UBR1: variants seen among roughly 807,000 people sequenced by gnomAD.
The protein encoded by UBR1 is ubiquitin protein ligase E3 component n-recognin 1, also known as E3 ubiquitin-protein ligase UBR1.
In UBR1, 102 loss-of-function variants were observed where a neutral mutation model predicts 242.1. The ratio of observed to expected loss-of-function variants is 0.42; its 90% CI spans 0.36 to 0.50. The LOEUF is 0.50. UBR1 is among the 20% of genes least tolerant of loss of function. The pLI, the probability that UBR1 is intolerant of heterozygous loss-of-function variation, is 0.01. For missense variants in UBR1, 1,772 were observed against 2,101.8 expected (o/e 0.84, Z 3.07); for synonymous variants, 675 against 684.8 (o/e 0.99, Z 0.22).
At chr15:43,009,073 A>C (rs530105886) in intron 29 of UBR1, among the ~76,000 whole-genome samples, 1 of 152,376 alleles carries the variant, frequency 6.6e-6, no homozygotes, top group South Asian at 2.1e-4. Context: ...AAGAGCTAGT[A>C]ACATAAACAG....
intron 34 of UBR1, 67 bp downstream of exon 34, chr15:42,989,963 C>A (rs182593460): frequency 8.8e-7 from 1 of 1,135,148 alleles, no homozygotes; most frequent in Non-Finnish European, 1.3e-6. Context: ...AGATGGAAGC[C>A]TACACTGTTT....
At chr15:42,988,485 A>G (rs2032509009) in intron 35 of UBR1, 1 of 313,870 alleles carries the variant, frequency 3.2e-6, no homozygotes, top group Non-Finnish European at 6.1e-6. Flanking sequence ...ATCTTGCTGT[A>G]TTGCCCAGGC....
chr15:43,012,901 A>C (rs1167337405), intron 29 of UBR1, among the ~76,000 whole-genome samples: 1 of 152,128 alleles, frequency 6.6e-6, no homozygotes, highest in Non-Finnish European at 1.5e-5. Flanking sequence ...ATTTTCTAAA[A>C]GTATCCACAA....
At chr15:42,988,769 A>G (rs1321117239) in intron 35 of UBR1, 50 bp downstream of exon 35, 5 of 1,610,826 alleles carry the variant, frequency 3.1e-6, no homozygotes, top group Non-Finnish European at 4.2e-6. Context: ...ATGAATGATC[A>G]AAGTTAATTC....
intron 3 of UBR1, 102 bp downstream of exon 3, chr15:43,082,536 T>C (rs1421625253): frequency 6.9e-6 from 6 of 874,672 alleles, no homozygotes; most frequent in Non-Finnish European, 7.6e-6. Flanking sequence ...TATGTTCACA[T>C]ATCAGAGCTG....
chr15:42,982,462 T>A (rs2032392381), intron 37 of UBR1, among the ~76,000 whole-genome samples: 1 of 152,190 alleles, frequency 6.6e-6, no homozygotes, highest in African/African-American at 2.4e-5. Flanking sequence ...AGTGTGTGAC[T>A]AGTGGAACAG....
chr15:42,973,187 G>T (rs147671374), intron 39 of UBR1, among the ~76,000 whole-genome samples: 12 of 152,240 alleles, frequency 7.9e-5, no homozygotes, highest in African/African-American at 2.2e-4. Context: ...TTTTAGAGAC[G>T]GGATCTTGCT....
At chr15:43,105,053 G>A (rs1016124259) in intron 1 of UBR1, among the ~76,000 whole-genome samples, 1 of 152,032 alleles carries the variant, frequency 6.6e-6, no homozygotes, top group African/African-American at 2.4e-5. Context: ...ATAAAATAAT[G>A]TTTTTATTAA....
chr15:43,039,848 G>A (rs1488267228), intron 15 of UBR1, among the ~76,000 whole-genome samples: 1 of 152,054 alleles, frequency 6.6e-6, no homozygotes, highest in Admixed American at 6.5e-5. Flanking sequence ...TTTGAGATAT[G>A]TCCCATCAAT....
At chr15:43,099,031 G>A (rs2034194377) in intron 1 of UBR1, among the ~76,000 whole-genome samples, 2 of 152,216 alleles carry the variant, frequency 1.3e-5, no homozygotes, top group African/African-American at 4.8e-5. Context: ...AAGAGATTAT[G>A]TTGTATTTTA....
At chr15:43,060,340 T>G (rs776072433) in intron 6 of UBR1, among the ~76,000 whole-genome samples, 2 of 152,248 alleles carry the variant, frequency 1.3e-5, no homozygotes, top group African/African-American at 2.4e-5. Context: ...TAGTTTAAGA[T>G]GCTGAGTTTC....
At chr15:42,984,805 G>T (rs2032434135) in intron 36 of UBR1, 82 bp downstream of exon 36, 2 of 1,265,372 alleles carry the variant, frequency 1.6e-6, no homozygotes, top group Middle Eastern at 1.9e-4. Context: ...AATGAGTAAA[G>T]ATTTTTTGTT....
Position 43,047,100 on chromosome 15 carries a change from T to C in UBR1, c.1668+61A>G, listed in dbSNP as rs184772597. 5.7e-4 allele frequency: 909 copies of C among 1,585,662 alleles called. 2 individuals carry two copies. The highest frequency in any genetic ancestry group is 1.2e-3 in the South Asian group (105 of 90,178). On this transcript the variant is annotated intron_variant, in intron 14 of 46. Transcript: ENST00000290650. ...TCAAGGAAGCTGCAACATAAAACTA[T>C]ACTATTAATAATTACTAAGAACTTA... is the stretch of plus-strand genomic sequence containing the variant.
chr15:43,002,685 G>A lies in UBR1; in HGVS notation c.3529C>T (p.Leu1177=), dbSNP rs2141285518. 6.2e-7 allele frequency: 1 copy of A among 1,614,024 alleles called. No individual in the cohort carries two copies. The highest frequency in any genetic ancestry group is 2.2e-5 in the East Asian group (1 of 44,894). ...CWQKYFEAVQ[L]SSQQRIHVDL... is the part of the protein sequence containing the mutation. ...ACATGAATGCGCTGCTGAGAGCTCAGCTGTACAGCTTCAAAATACCTGCAA... is the reference window on the plus strand; with the variant it reads ...ACATGAATGCGCTGCTGAGAGCTCAACTGTACAGCTTCAAAATACCTGCAA... The change falls in exon 32 of 47, where the codon CTG becomes TTG. Residue 1177 remains leucine (L), a synonymous_variant. Transcript: ENST00000290650.
intron 26 of UBR1, among the ~76,000 whole-genome samples, chr15:43,021,659 T>G (rs989682975): frequency 2.0e-5 from 3 of 152,198 alleles, no homozygotes; most frequent in Non-Finnish European, 2.9e-5. Context: ...CTGTACATGT[T>G]CAGTACAGTG....
chr15:43,064,577 CTT>C (rs35224418), intron 6 of UBR1, among the ~76,000 whole-genome samples: 23 of 138,744 alleles, frequency 1.7e-4, no homozygotes, highest in Admixed American at 2.2e-4. Context: ...TATCTTACAT[CTT>C]TTTTTTTTTT....
chr15:43,048,829 C>T (rs1167625602), intron 12 of UBR1, among the ~76,000 whole-genome samples: 1 of 152,174 alleles, frequency 6.6e-6, no homozygotes, highest in African/African-American at 2.4e-5. Flanking sequence ...CTGTTCACAC[C>T]CATCAGCCAA....
intron 2 of UBR1, 126 bp from the exon 3 acceptor site, chr15:43,082,842 A>T (rs1420444801): frequency 1.4e-6 from 1 of 726,138 alleles, no homozygotes; most frequent in African/African-American, 1.8e-5. Flanking sequence ...AATGCTTCAA[A>T]AACTGGATTG....
intron 14 of UBR1, among the ~76,000 whole-genome samples, chr15:43,044,827 G>A (rs985116755): frequency 9.2e-5 from 14 of 152,094 alleles, no homozygotes; most frequent in African/African-American, 2.4e-4. Context: ...CCCAGGAGGC[G>A]GAGGTTGCAG....
Sources: gnomAD v4.1 joint callset for allele counts (sites outside exome capture counted in the v4.1 genomes callset) on GRCh38, gnomAD v4.1.1 for gene constraint, MANE v1.5 for transcripts, NCBI Gene and HGNC (gene_info 2026-07-23, HGNC 2026-07-21) for gene names.